CTNND2: variants seen among roughly 807,000 people sequenced by gnomAD.
CTNND2 encodes catenin delta 2, also known as catenin delta-2.
CTNND2 carries 22 observed loss-of-function variants against 144.4 expected under a neutral mutation model. That is an observed-to-expected ratio of 0.15 (90% confidence interval 0.11 to 0.22). The LOEUF (loss-of-function observed/expected upper bound fraction) is 0.22. CTNND2 is among the 10% of genes least tolerant of loss of function. The probability of loss-of-function intolerance (pLI) is 1.00; values close to 1 mark genes in which losing one functional copy is unlikely to be tolerated. For synonymous variants in CTNND2, 751 were observed against 695.6 expected (o/e 1.08, Z -1.25); for missense variants, 1,353 against 1,618.8 (o/e 0.84, Z 2.82).
intron 9 of CTNND2, among the ~76,000 whole-genome samples, chr5:11,290,675 A>G (rs1748236752): frequency 6.6e-6 from 1 of 152,172 alleles, no homozygotes; most frequent in Non-Finnish European, 1.5e-5. Flanking sequence ...CATAGAGAAC[A>G]TCTGTTTTAC....
At chr5:11,890,616 A>T (rs1736880434) in intron 1 of CTNND2, among the ~76,000 whole-genome samples, 1 of 152,190 alleles carries the variant, frequency 6.6e-6, no homozygotes. Context: ...GTCAGTTCCT[A>T]TGTGTACTAT....
intron 3 of CTNND2, among the ~76,000 whole-genome samples, chr5:11,515,037 C>T (rs1772030164): frequency 6.7e-6 from 1 of 149,430 alleles, no homozygotes; most frequent in Non-Finnish European, 1.5e-5. Flanking sequence ...ATAATGAGAA[C>T]TTGAAATGGA....
chr5:11,729,481 T>G (rs35932485), intron 2 of CTNND2, among the ~76,000 whole-genome samples: 25,710 of 152,190 alleles, frequency 0.17, 2,344 homozygotes, highest in East Asian at 0.29. Context: ...CTATGTAATT[T>G]CCTTTCTAAA....
chr5:11,523,918 T>C (rs1772984745), intron 3 of CTNND2, among the ~76,000 whole-genome samples: 1 of 152,224 alleles, frequency 6.6e-6, no homozygotes, highest in Non-Finnish European at 1.5e-5. Context: ...CCTTCAGTTC[T>C]GGTGCTCTAT....
chr5:11,617,855 G>A (rs548477000), intron 2 of CTNND2, among the ~76,000 whole-genome samples: 23 of 152,166 alleles, frequency 1.5e-4, no homozygotes, highest in Non-Finnish European at 2.6e-4. Flanking sequence ...TTATACCACA[G>A]GCTTTTGCCT....
At chr5:11,060,957 C>T (rs1163175093) in intron 16 of CTNND2, among the ~76,000 whole-genome samples, 1 of 149,746 alleles carries the variant, frequency 6.7e-6, no homozygotes, top group Non-Finnish European at 1.5e-5. Context: ...ATGACTTTAA[C>T]TATCTTTTTT....
intron 1 of CTNND2, among the ~76,000 whole-genome samples, chr5:11,735,753 T>G (rs1787646880): frequency 6.6e-6 from 1 of 152,172 alleles, no homozygotes; most frequent in Non-Finnish European, 1.5e-5. Flanking sequence ...GACATGCCTT[T>G]GCTTCTCCTT....
intron 18 of CTNND2, among the ~76,000 whole-genome samples, chr5:11,009,197 G>A (rs1740802546): frequency 6.6e-6 from 1 of 152,186 alleles, no homozygotes; most frequent in South Asian, 2.1e-4. Flanking sequence ...TGGTTGCAGG[G>A]TGGTACTTCT....
intron 12 of CTNND2, among the ~76,000 whole-genome samples, chr5:11,124,136 G>C (rs1362018317): frequency 6.6e-6 from 1 of 151,982 alleles, no homozygotes; most frequent in Non-Finnish European, 1.5e-5. Context: ...AACAACACAG[G>C]CACCCCCAGT....
intron 1 of CTNND2, among the ~76,000 whole-genome samples, chr5:11,866,725 T>C (rs1238142092): frequency 6.6e-6 from 1 of 152,238 alleles, no homozygotes; most frequent in Non-Finnish European, 1.5e-5. Flanking sequence ...CTTTCCCATG[T>C]TGTCCTAATA....
At chr5:11,153,306 C>T (rs1035241416) in intron 12 of CTNND2, among the ~76,000 whole-genome samples, 1 of 152,088 alleles carries the variant, frequency 6.6e-6, no homozygotes, top group Non-Finnish European at 1.5e-5. Flanking sequence ...GACACATGCC[C>T]CTCATCTCTG....
intron 3 of CTNND2, among the ~76,000 whole-genome samples, chr5:11,527,748 T>C (rs1459951745): frequency 1.3e-5 from 2 of 152,218 alleles, no homozygotes; most frequent in African/African-American, 4.8e-5. Context: ...TAAATTTTAC[T>C]GTATACTCTT....
chr5:11,292,042 G>A (rs1163352980), intron 9 of CTNND2, among the ~76,000 whole-genome samples: 2 of 152,096 alleles, frequency 1.3e-5, no homozygotes. Flanking sequence ...CACTATGTTC[G>A]AATCTGCTTG....
rs114062237 is a variant in CTNND2 at position 11,446,451 on chromosome 5, C to T, written c.288-34382G>A. Among the ~76,000 whole-genome samples the T allele has an allele frequency of 5.6e-4, 86 of 152,264 alleles. 1 individual carries two copies. Among genetic ancestry groups the T allele is most frequent in the African/African-American group, 2.0e-3 (82 of 41,546 alleles). ...ATGGCATGTGGGTAGGGCTGTTGTA[C>T]ATCACAGGATGCTCTAAGAGCCAGC... On this transcript the variant is annotated intron_variant, in intron 3 of 21. Transcript: ENST00000304623.
chr5:11,363,171 T>C (rs1016350512), intron 8 of CTNND2, among the ~76,000 whole-genome samples: 14 of 152,316 alleles, frequency 9.2e-5, no homozygotes, highest in African/African-American at 3.4e-4. Flanking sequence ...AAAAACACTA[T>C]CACACTAGAG....
At chr5:11,842,137 T>C (rs1308959627) in intron 1 of CTNND2, among the ~76,000 whole-genome samples, 1 of 151,266 alleles carries the variant, frequency 6.6e-6, no homozygotes, top group Non-Finnish European at 1.5e-5. Context: ...AAAAAATCAG[T>C]GAACCAGTTT....
At chr5:11,039,137 C>A (rs1744400235) in intron 16 of CTNND2, among the ~76,000 whole-genome samples, 3 of 152,316 alleles carry the variant, frequency 2.0e-5, no homozygotes, top group Admixed American at 2.0e-4. Flanking sequence ...CTACTGTAGT[C>A]CCAAATAATG....
intron 1 of CTNND2, among the ~76,000 whole-genome samples, chr5:11,744,305 C>T (rs542008362): frequency 2.0e-5 from 3 of 152,304 alleles, no homozygotes; most frequent in East Asian, 3.9e-4. Context: ...CCCAGGCAAG[C>T]TTGTGACTTG....
chr5:11,496,410 T>C (rs1769944219), intron 3 of CTNND2, among the ~76,000 whole-genome samples: 1 of 152,206 alleles, frequency 6.6e-6, no homozygotes, highest in African/African-American at 2.4e-5. Context: ...ATCAATGTTT[T>C]ATTGTAAGAT....
Sources: allele counts gnomAD v4.1 joint callset (sites outside exome capture counted in the v4.1 genomes callset), GRCh38; gene constraint gnomAD v4.1.1; transcripts MANE v1.5; gene names NCBI Gene and HGNC (gene_info 2026-07-23, HGNC 2026-07-21).